The following NUDT3 variants were observed in gnomAD, a reference collection of about 807,000 sequenced individuals.
NUDT3 encodes nudix hydrolase 3.
A neutral mutation model predicts 23.6 loss-of-function variants in NUDT3; 9 were observed. The observed-to-expected ratio is 0.38, with a 90% CI of 0.23 to 0.66. The LOEUF (loss-of-function observed/expected upper bound fraction) is 0.66. Ranked by LOEUF, NUDT3 falls within the 30% of genes least tolerant of loss-of-function variation. The probability of loss-of-function intolerance (pLI) is 0.52; values close to 1 mark genes in which losing one functional copy is unlikely to be tolerated. For synonymous variants in NUDT3, 86 were observed against 82.6 expected (o/e 1.04, Z -0.22); for missense variants, 172 against 218.5 (o/e 0.79, Z 1.34).
chr6:34,357,642 T>A (rs966464556), intron 1 of NUDT3, among the ~76,000 whole-genome samples: 9 of 149,334 alleles, frequency 6.0e-5, no homozygotes, highest in African/African-American at 1.2e-4. Context: ...AAAAAAAAAA[T>A]TTAATGCATT....
At position 34,284,141 on chromosome 6, in the gene NUDT3, C is replaced by G. The variant is rs185329904; in HGVS notation, c.*4612G>C. On this transcript the variant is annotated 3_prime_UTR_variant, in exon 5 of 5. Transcript: ENST00000607016. ...ACTGAGCAGTATGAACTGCCCACCT[C>G]AACTGGGCAGTCTGACCTCTTCCAC... The G allele has an allele frequency of 3.3e-4, 51 of 152,352 alleles. 1 individual carries two copies. The highest frequency in any genetic ancestry group is 3.0e-3 in the Admixed American group (46 of 15,300). 9.4% of individuals were successfully genotyped at this position (152,352 alleles called of 1,614,324 possible). A position where few individuals can be genotyped will look rare whatever the true frequency, so the allele number is the denominator to read the frequency against.
intron 1 of NUDT3, among the ~76,000 whole-genome samples, chr6:34,378,178 C>T (rs977246696): frequency 6.6e-6 from 1 of 151,798 alleles, no homozygotes; most frequent in African/African-American, 2.4e-5. Flanking sequence ...TGGCACATTC[C>T]TGTAGTCTCA....
chr6:34,316,104 T>G (rs1763854027), intron 2 of NUDT3, among the ~76,000 whole-genome samples: 1 of 152,194 alleles, frequency 6.6e-6, no homozygotes, highest in Non-Finnish European at 1.5e-5. Context: ...TCTCAAGCAA[T>G]CCTCCCACCT....
chr6:34,321,000 G>A (rs2113717178), intron 2 of NUDT3, among the ~76,000 whole-genome samples: 1 of 152,284 alleles, frequency 6.6e-6, no homozygotes, highest in East Asian at 1.9e-4. Flanking sequence ...GTCTCTAGGT[G>A]GCAAAAGGAT....
chr6:34,361,487 A>G (rs1280087518), intron 1 of NUDT3, among the ~76,000 whole-genome samples: 1 of 152,164 alleles, frequency 6.6e-6, no homozygotes, highest in Non-Finnish European at 1.5e-5. Context: ...AAAACTACAT[A>G]TACTCTTACC....
chr6:34,381,145 T>C (rs1765010438), intron 1 of NUDT3, among the ~76,000 whole-genome samples: 1 of 152,104 alleles, frequency 6.6e-6, no homozygotes, highest in African/African-American at 2.4e-5. Context: ...GCCTCCCAAG[T>C]AGCTAGGACC....
chr6:34,309,603 A>G (rs904949688), intron 2 of NUDT3, among the ~76,000 whole-genome samples: 35 of 152,210 alleles, frequency 2.3e-4, no homozygotes, highest in African/African-American at 7.9e-4. Context: ...TGGTTATTTA[A>G]AAGGTCAGTA....
chr6:34,363,035 G>A (rs1222226434), intron 1 of NUDT3, among the ~76,000 whole-genome samples: 1 of 152,102 alleles, frequency 6.6e-6, no homozygotes, highest in South Asian at 2.1e-4. Flanking sequence ...GTTCTGTATG[G>A]CACATGGATT....
At chr6:34,343,689 T>C (rs1358930355) in intron 1 of NUDT3, among the ~76,000 whole-genome samples, 1 of 152,116 alleles carries the variant, frequency 6.6e-6, no homozygotes, top group African/African-American at 2.4e-5. Context: ...TGGCAAGATA[T>C]GCCAAATTCT....
At chr6:34,329,479 C>T (rs1410969467) in intron 2 of NUDT3, among the ~76,000 whole-genome samples, 1 of 151,980 alleles carries the variant, frequency 6.6e-6, no homozygotes, top group Admixed American at 6.6e-5. Flanking sequence ...TGGGGTTTCA[C>T]CATGTTGGCC....
chr6:34,307,532 C>T (rs1454912216), intron 2 of NUDT3, among the ~76,000 whole-genome samples: 2 of 152,108 alleles, frequency 1.3e-5, no homozygotes, highest in South Asian at 2.1e-4. Context: ...GCTATGACTG[C>T]ACCACTGCTC....
intron 1 of NUDT3, among the ~76,000 whole-genome samples, chr6:34,354,818 ATATT>A (rs970919445): frequency 6.8e-6 from 1 of 147,988 alleles, no homozygotes; most frequent in Non-Finnish European, 1.5e-5. Context: ...TGTATTTTAT[ATATT>A]TATTTTATAT....
intron 2 of NUDT3, among the ~76,000 whole-genome samples, chr6:34,304,267 AAAAAG>A (rs927585134): frequency 2.0e-5 from 3 of 151,752 alleles, no homozygotes; most frequent in African/African-American, 7.3e-5. Context: ...AAAAAAAAAA[AAAAAG>A]AAAGTTTGCT....
intron 1 of NUDT3, among the ~76,000 whole-genome samples, chr6:34,343,434 G>GTC (rs893039059): frequency 4.0e-5 from 6 of 151,426 alleles, no homozygotes; most frequent in Non-Finnish European, 8.8e-5. Flanking sequence ...CACACCTGTG[G>GTC]TCTCAGTTAC....
At chr6:34,332,789 C>T (rs988505749) in intron 2 of NUDT3, among the ~76,000 whole-genome samples, 23 of 152,066 alleles carry the variant, frequency 1.5e-4, no homozygotes, top group Admixed American at 1.5e-3. Flanking sequence ...ATTTTCTCCT[C>T]CTGTTTCTGT....
chr6:34,365,764 C>T (rs1402133181), intron 1 of NUDT3, among the ~76,000 whole-genome samples: 5 of 151,806 alleles, frequency 3.3e-5, no homozygotes, highest in African/African-American at 4.8e-5. Flanking sequence ...AAATACAGGC[C>T]GGGTACGGGG....
rs1554154786 is a variant in NUDT3 at position 34,351,226 on chromosome 6, A to AAAAAAAAAAAC, written c.100-9255_100-9254insGTTTTTTTTTT. Among the ~76,000 whole-genome samples, 12 of 133,974 alleles carry AAAAAAAAAAAC rather than the reference A, an allele frequency of 9.0e-5. 1 individual carries two copies. Among genetic ancestry groups the AAAAAAAAAAAC allele is most frequent in the African/African-American group, 3.1e-4 (10 of 31,998 alleles). 87.9% of individuals were successfully genotyped at this position (133,974 alleles called of 152,430 possible). A position where few individuals can be genotyped will look rare whatever the true frequency, so the allele number is the denominator to read the frequency against. ...AAAAAAAAAAAAAAAAAAAAAAAAA[A>AAAAAAAAAAAC]CACTTTGGGAGGCCAAGATGGGAAG... On this transcript the variant is annotated intron_variant, in intron 1 of 4. Transcript: ENST00000607016.
rs144681809 is a variant in NUDT3 at position 34,367,678 on chromosome 6, T to C, written c.99+24586A>G. 9.8e-4 allele frequency among the ~76,000 whole-genome samples: 149 copies of C among 152,294 alleles called. 2 individuals carry two copies. The East Asian group carries it at 0.013, about 13-fold the overall frequency. On this transcript the variant is annotated intron_variant, in intron 1 of 4. Transcript: ENST00000607016. ...CAGAACAAAAGACAAGTGGCAACTT[T>C]CCAATGCACTTATACATACATTGGC...
intron 1 of NUDT3, among the ~76,000 whole-genome samples, chr6:34,355,630 A>T (rs1192223233): frequency 1.5e-5 from 2 of 133,466 alleles, no homozygotes; most frequent in African/African-American, 2.9e-5. Context: ...GAATGATACT[A>T]CTTCTTAAAT....
Sources: allele counts gnomAD v4.1 joint callset (sites outside exome capture counted in the v4.1 genomes callset), GRCh38; gene constraint gnomAD v4.1.1; transcripts MANE v1.5; gene names NCBI Gene and HGNC (gene_info 2026-07-23, HGNC 2026-07-21).